Variants in CFAP299 observed in about 807,000 individuals in gnomAD.
CFAP299 encodes the protein cilia and flagella associated protein 299.
CFAP299 carries 21 observed loss-of-function variants against 27.0 expected under a neutral mutation model. That is an observed-to-expected ratio of 0.78 (90% confidence interval 0.55 to 1.12). CFAP299 has a LOEUF of 1.12. Ranked by LOEUF, CFAP299 falls within the 50% of genes most tolerant of loss-of-function variation. CFAP299 has a pLI of 0.00. For synonymous variants in CFAP299, 104 were observed against 98.1 expected (o/e 1.06, Z -0.36); for missense variants, 310 against 276.6 (o/e 1.12, Z -0.86).
At chr4:80,383,307 C>A (rs965092652) in intron 2 of CFAP299, among the ~76,000 whole-genome samples, 4 of 151,790 alleles carry the variant, frequency 2.6e-5, no homozygotes, top group African/African-American at 9.7e-5. Context: ...ACTTATGGGA[C>A]AAACCTGCAC....
At chr4:80,887,386 C>T (rs1845183) in intron 4 of CFAP299, among the ~76,000 whole-genome samples, 25,498 of 151,958 alleles carry the variant, frequency 0.17, 3,170 homozygotes, top group African/African-American at 0.33. Flanking sequence ...TGGAAGCAGA[C>T]TTCTCAGTGG....
intron 3 of CFAP299, among the ~76,000 whole-genome samples, chr4:80,851,728 T>G (rs914765058): frequency 6.6e-6 from 1 of 152,166 alleles, no homozygotes; most frequent in African/African-American, 2.4e-5. Flanking sequence ...TGGGGTGGGA[T>G]GGGACCATTT....
intron 3 of CFAP299, among the ~76,000 whole-genome samples, chr4:80,855,812 G>A (rs1302855704): frequency 6.6e-6 from 1 of 151,948 alleles, no homozygotes; most frequent in Non-Finnish European, 1.5e-5. Context: ...ATCATTGTTG[G>A]ACATTTGGGT....
chr4:80,800,882 C>G (rs1431354370), intron 3 of CFAP299, among the ~76,000 whole-genome samples: 7 of 148,938 alleles, frequency 4.7e-5, no homozygotes, highest in African/African-American at 1.7e-4. Flanking sequence ...CAAGGAGAAC[C>G]AGTCTGAGTC....
intron 3 of CFAP299, among the ~76,000 whole-genome samples, chr4:80,819,995 T>C (rs1729618032): frequency 1.3e-5 from 2 of 152,044 alleles, no homozygotes; most frequent in Non-Finnish European, 2.9e-5. Context: ...TTGTTTTTAA[T>C]CTCCAGAGAG....
chr4:80,752,929 T>C (rs1725019033), intron 3 of CFAP299, among the ~76,000 whole-genome samples: 1 of 152,140 alleles, frequency 6.6e-6, no homozygotes, highest in Non-Finnish European at 1.5e-5. Flanking sequence ...ATCCTCATCC[T>C]TGTGCTATTA....
intron 2 of CFAP299, among the ~76,000 whole-genome samples, chr4:80,579,389 C>A (rs1736053619): frequency 6.6e-6 from 1 of 152,168 alleles, no homozygotes. Flanking sequence ...TTATTCCAGG[C>A]TGCTACATGC....
At chr4:80,631,842 T>C (rs941084469) in intron 3 of CFAP299, among the ~76,000 whole-genome samples, 12 of 136,556 alleles carry the variant, frequency 8.8e-5, no homozygotes, top group African/African-American at 3.1e-4. Context: ...GTTTAGGCTA[T>C]CAGTCTGAAT....
At chr4:80,368,720 T>C (rs1173634812) in intron 2 of CFAP299, among the ~76,000 whole-genome samples, 2 of 152,202 alleles carry the variant, frequency 1.3e-5, no homozygotes, top group Admixed American at 1.3e-4. Context: ...TTTTTGTATA[T>C]CATTTTATGA....
At chr4:80,355,428 G>T (rs928342730) in intron 1 of CFAP299, among the ~76,000 whole-genome samples, 1 of 148,032 alleles carries the variant, frequency 6.8e-6, no homozygotes, top group African/African-American at 2.5e-5. Context: ...CGCGATCTCG[G>T]CTCACTGCAA....
intron 3 of CFAP299, among the ~76,000 whole-genome samples, chr4:80,603,783 T>C (rs770468466): frequency 6.6e-6 from 1 of 152,190 alleles, no homozygotes; most frequent in Non-Finnish European, 1.5e-5. Context: ...TGAAAATACA[T>C]AATGGCTTTA....
chr4:80,459,824 G>A (rs1469630083), intron 2 of CFAP299, among the ~76,000 whole-genome samples: 2 of 152,120 alleles, frequency 1.3e-5, no homozygotes, highest in Non-Finnish European at 2.9e-5. Context: ...GGGTGGTTGT[G>A]ATTGTGTTGC....
chr4:80,418,081 A>G (rs1727104262), intron 2 of CFAP299, among the ~76,000 whole-genome samples: 3 of 152,228 alleles, frequency 2.0e-5, no homozygotes, highest in Admixed American at 6.5e-5. Context: ...ACAAAGCCAG[A>G]TATGTACATA....
intron 1 of CFAP299, among the ~76,000 whole-genome samples, chr4:80,354,800 G>T (rs1194149960): frequency 6.6e-6 from 1 of 152,004 alleles, no homozygotes; most frequent in East Asian, 1.9e-4. Flanking sequence ...GTGTTAGTTT[G>T]CTAAGAATAA....
intron 2 of CFAP299, among the ~76,000 whole-genome samples, chr4:80,393,311 C>T (rs1448399487): frequency 1.3e-5 from 2 of 151,960 alleles, no homozygotes; most frequent in Non-Finnish European, 2.9e-5. Flanking sequence ...TAAAAAGTTA[C>T]AGTAAGCTAA....
chr4:80,805,523 A>G (rs1166686720), intron 3 of CFAP299, among the ~76,000 whole-genome samples: 1 of 152,134 alleles, frequency 6.6e-6, no homozygotes, highest in East Asian at 1.9e-4. Flanking sequence ...ATAGTAGTAC[A>G]CTAAAACTCT....
At chr4:80,767,277 T>A (rs1270055593) in intron 3 of CFAP299, among the ~76,000 whole-genome samples, 1 of 152,128 alleles carries the variant, frequency 6.6e-6, no homozygotes, top group Admixed American at 6.5e-5. Context: ...TATGCTGTAA[T>A]AAAAGTTATA....
intron 2 of CFAP299, among the ~76,000 whole-genome samples, chr4:80,468,794 A>G (rs1432903576): frequency 1.4e-5 from 2 of 146,154 alleles, no homozygotes; most frequent in African/African-American, 5.1e-5. Flanking sequence ...AAGATCACAC[A>G]TTGCACTCCA....
intron 2 of CFAP299, among the ~76,000 whole-genome samples, chr4:80,490,165 A>T (rs979314375): frequency 3.3e-5 from 5 of 152,226 alleles, no homozygotes; most frequent in Non-Finnish European, 5.9e-5. Context: ...TATATGCTGT[A>T]AAACTCTAGT....
Sources: allele counts gnomAD v4.1 joint callset (sites outside exome capture counted in the v4.1 genomes callset), GRCh38; gene constraint gnomAD v4.1.1; transcripts MANE v1.5; gene names NCBI Gene and HGNC (gene_info 2026-07-23, HGNC 2026-07-21).